The following KCTD2 variants were observed in gnomAD, a reference collection of about 807,000 sequenced individuals.
The protein encoded by KCTD2 is BTB/POZ domain-containing protein KCTD2.
A neutral mutation model predicts 27.9 loss-of-function variants in KCTD2; 18 were observed. The ratio of observed to expected loss-of-function variants is 0.64; its 90% CI spans 0.45 to 0.96. The LOEUF (loss-of-function observed/expected upper bound fraction) is 0.96. Among genes scored for constraint, KCTD2 ranks in the 40% least tolerant of loss-of-function variants. KCTD2 has a pLI of 0.00. For missense variants in KCTD2, 280 were observed against 348.0 expected, an observed-to-expected ratio of 0.80 and a Z score of 1.56; for synonymous variants, 175 against 148.4, an observed-to-expected ratio of 1.18 and a Z score of -1.30.
At chr17:75,046,408 A>G (rs547492176), upstream of KCTD2, among the ~76,000 whole-genome samples, 6 of 152,246 alleles carry the variant, frequency 3.9e-5, no homozygotes, top group East Asian at 7.7e-4. Context: ...TTAAAAATCT[A>G]TTGCTTAATC....
chr17:75,056,952 C>CTTTTTTTTTTTTTTT (rs35875644), intron 3 of KCTD2, among the ~76,000 whole-genome samples: 18 of 107,994 alleles, frequency 1.7e-4, no homozygotes, highest in African/African-American at 5.1e-4. Flanking sequence ...TTTCTTTTTT[C>CTTTTTTTTTTTTTTT]TTTTTTTTTT....
In KCTD2 at chr17:75,065,606, C is replaced by T. The variant is rs544410125; in HGVS notation, c.*2559C>T. Reference sequence around the variant, plus strand: ...CTTTTCCTCAGAATCTGGCCTTTTTCCATGGCAATGAGGTGGGGCCCAGCC... The same window carrying T: ...CTTTTCCTCAGAATCTGGCCTTTTTTCATGGCAATGAGGTGGGGCCCAGCC... On this transcript the variant is annotated 3_prime_UTR_variant, in exon 6 of 6. Transcript: ENST00000322444. The T allele has an allele frequency of 1.0e-3, 156 of 152,262 alleles. No homozygotes were observed. The highest frequency in any genetic ancestry group is 3.7e-3 in the African/African-American group (152 of 41,464). 9.4% of individuals were successfully genotyped at this position (152,262 alleles called of 1,614,324 possible).
chr17:75,049,302 T>C lies in KCTD2; in HGVS notation c.422T>C (p.Ile141Thr). 1 of 1,612,638 alleles carries C rather than the reference T, an allele frequency of 6.2e-7. No individual in the cohort carries two copies. The highest frequency in any genetic ancestry group is 8.5e-7 in the Non-Finnish European group (1 of 1,178,612). The change falls in exon 2 of 6, where the codon ATC becomes ACC. Residue 141 changes from isoleucine to threonine, a missense_variant. By Grantham distance (89) the Ile-to-Thr change is moderately conservative. Transcript: ENST00000322444. ...ILNYLRHGKL[I>T]ITKELAEEGV... ...AACTACCTCCGCCACGGGAAACTCA[T>C]CATCACTAAGGAGTTGGCAGAAGAA...
intron 2 of KCTD2, among the ~76,000 whole-genome samples, chr17:75,052,063 G>C (rs2073293846): frequency 6.6e-6 from 1 of 151,640 alleles, no homozygotes; most frequent in Non-Finnish European, 1.5e-5. Context: ...AAAATATCAA[G>C]TTCAGGAGGT....
chr17:75,044,067 C>G (rs535108367), upstream of KCTD2, among the ~76,000 whole-genome samples: 84 of 150,758 alleles, frequency 5.6e-4, no homozygotes, highest in African/African-American at 1.9e-3. Context: ...CTCTGTCCCC[C>G]GGGCTGGAGT....
Position 75,063,156 on chromosome 17 carries a change from ATCCTGGCCCCCTGTGAAGAAGTG to A in KCTD2, c.*111_*133del, listed in dbSNP as rs1201991588. On this transcript the variant is annotated 3_prime_UTR_variant, in exon 6 of 6. Coordinates refer to ENST00000322444, the MANE Select transcript of KCTD2 (RefSeq NM_015353.3). ...ACCGAGCCACTGCAAAGCACAGCTG[ATCCTGGCCCCCTGTGAAGAAGTG>A]TTCTGGTCAAAACTAAAGGAACTCC... is the stretch of plus-strand genomic sequence containing the variant. 3 of 1,034,818 alleles carry A rather than the reference ATCCTGGCCCCCTGTGAAGAAGTG, an allele frequency of 2.9e-6. No homozygotes were observed. Among genetic ancestry groups the A allele is most frequent in the Non-Finnish European group, 4.5e-6 (3 of 665,040 alleles). 64.1% of individuals were successfully genotyped at this position (1,034,818 alleles called of 1,614,324 possible). A position where few individuals can be genotyped will look rare whatever the true frequency, so the allele number is the denominator to read the frequency against.
At chr17:75,050,610 A>G (rs2073274419) in intron 2 of KCTD2, among the ~76,000 whole-genome samples, 1 of 152,184 alleles carries the variant, frequency 6.6e-6, no homozygotes. Flanking sequence ...CACATCATGG[A>G]GAATGGGGTA....
intron 3 of KCTD2, chr17:75,039,332 T>G: frequency 1.3e-6 from 2 of 1,502,776 alleles, no homozygotes; most frequent in Non-Finnish European, 1.8e-6. Flanking sequence ...CAGCAGCTGC[T>G]AAGGTAGGAG....
At chr17:75,037,729 G>T (rs1399774511) in intron 3 of KCTD2, among the ~76,000 whole-genome samples, 1 of 152,040 alleles carries the variant, frequency 6.6e-6, no homozygotes, top group Non-Finnish European at 1.5e-5. Flanking sequence ...TAAATAGTGG[G>T]GATTTTAAAA....
At chr17:75,039,416 C>T in intron 3 of KCTD2, 1 of 667,148 alleles carries the variant, frequency 1.5e-6, no homozygotes, top group Non-Finnish European at 2.6e-6. Flanking sequence ...GGCGCTCACT[C>T]TGACAGGCAA....
Position 75,063,859 on chromosome 17 carries a change from C to T in KCTD2, c.*812C>T, listed in dbSNP as rs1348942863. ...GCACCTGCAGCCTCTTCTTACTCCC[C>T]ATTGACCCTGTCTTCCTTCCCTGGC... On this transcript the variant is annotated 3_prime_UTR_variant, in exon 6 of 6. Coordinates refer to ENST00000322444, the MANE Select transcript of KCTD2 (RefSeq NM_015353.3). 1 of 152,766 alleles carries T rather than the reference C, an allele frequency of 6.5e-6. No homozygotes were observed. The highest frequency in any genetic ancestry group is 1.5e-5 in the Non-Finnish European group (1 of 68,122). The allele number at this position is 152,766 out of a possible 1,614,324, so 9.5% of individuals were successfully genotyped here.
chr17:75,047,639 C>G (rs778470297), intron 1 of KCTD2, 50 bp downstream of exon 1: 2 of 1,557,922 alleles, frequency 1.3e-6, no homozygotes, highest in South Asian at 1.2e-5. Flanking sequence ...CCCCTGGTTT[C>G]TCGTAGATCG....
chr17:75,042,357 C>T, upstream of KCTD2: 2 of 1,531,002 alleles, frequency 1.3e-6, no homozygotes, highest in Non-Finnish European at 1.8e-6. Context: ...ATCCCTTCTT[C>T]CTATGGCCTG....
intron 3 of KCTD2, among the ~76,000 whole-genome samples, chr17:75,037,074 G>A (rs2073109546): frequency 6.6e-6 from 1 of 152,192 alleles, no homozygotes; most frequent in Admixed American, 6.5e-5. Context: ...GCCAGGTGCG[G>A]TGGCTCACGC....
At chr17:75,054,498 T>G (rs1236496652) in intron 3 of KCTD2, among the ~76,000 whole-genome samples, 1 of 152,136 alleles carries the variant, frequency 6.6e-6, no homozygotes, top group East Asian at 1.9e-4. Flanking sequence ...TAATTGAAAG[T>G]CCTTGCCCTC....
upstream of KCTD2, among the ~76,000 whole-genome samples, chr17:75,042,913 CAAATTCAAGG>C (rs2073175390): frequency 6.6e-6 from 1 of 151,970 alleles, no homozygotes; most frequent in African/African-American, 2.4e-5. Context: ...TGTAGCTTTT[CAAATTCAAGG>C]TAATTCAAGG....
rs760122800 is a variant in KCTD2 at position 75,059,610 on chromosome 17, A to T, written c.636+5A>T. The T allele has an allele frequency of 1.4e-5, 22 of 1,610,394 alleles. No individual in the cohort carries two copies. The East Asian group carries it at 4.9e-4, about 36-fold the overall frequency. On this transcript the variant is annotated splice_donor_5th_base_variant and intron_variant, in intron 4 of 5. Transcript: ENST00000322444. ...GACGGCTGGAAATTCGAACAGGTAC[A>T]TCTCTTAACAGAGCAGCAATCCCAG... is the stretch of plus-strand genomic sequence containing the variant.
intron 2 of KCTD2, among the ~76,000 whole-genome samples, chr17:75,050,359 T>A (rs2073271936): frequency 6.6e-6 from 1 of 152,162 alleles, no homozygotes; most frequent in South Asian, 2.1e-4. Flanking sequence ...CCTCCTGGGT[T>A]CAAGCGATTC....
Position 75,063,299 on chromosome 17 carries a change from A to C in KCTD2, c.*252A>C. 1.9e-6 allele frequency: 1 copy of C among 521,908 alleles called. No individual in the cohort carries two copies. The highest frequency in any genetic ancestry group is 2.5e-5 in the South Asian group (1 of 40,782). 32.3% of individuals were successfully genotyped at this position (521,908 alleles called of 1,614,324 possible). A position where few individuals can be genotyped will look rare whatever the true frequency, so the allele number is the denominator to read the frequency against. ...TCATTTGCTTAGCCAGTATTAGAAC[A>C]GATCTTTACAACAGCAGCTGGGCTG... On this transcript the variant is annotated 3_prime_UTR_variant, in exon 6 of 6. Transcript: ENST00000322444.
Sources: allele counts gnomAD v4.1 joint callset (sites outside exome capture counted in the v4.1 genomes callset), GRCh38; gene constraint gnomAD v4.1.1; transcripts MANE v1.5; gene names NCBI Gene and HGNC (gene_info 2026-07-23, HGNC 2026-07-21).